Variants in BNC2 observed in about 807,000 individuals in gnomAD.
BNC2 encodes the protein basonuclin zinc finger protein 2, also known as zinc finger protein basonuclin-2.
BNC2 carries 20 observed loss-of-function variants against 76.3 expected under a neutral mutation model. The observed-to-expected ratio is 0.26, with a 90% CI of 0.18 to 0.38. The LOEUF is 0.38. Ranked by LOEUF, BNC2 falls within the 10% of genes least tolerant of loss-of-function variation. The probability of loss-of-function intolerance (pLI) is 1.00; values close to 1 mark genes in which losing one functional copy is unlikely to be tolerated. For missense variants in BNC2, 1,382 were observed against 1,399.8 expected, an observed-to-expected ratio of 0.99 and a Z score of 0.20; for synonymous variants, 582 against 514.8, an observed-to-expected ratio of 1.13 and a Z score of -1.77.
At chr9:16,738,537 A>C in intron 1 of BNC2, 52 bp from the exon 2 acceptor site, 1 of 1,575,214 alleles carries the variant, frequency 6.3e-7, no homozygotes, top group Non-Finnish European at 8.6e-7. Flanking sequence ...GTATTACTTA[A>C]AAGCATTGAG....
intron 3 of BNC2, among the ~76,000 whole-genome samples, chr9:16,666,808 A>G (rs1175190975): frequency 2.0e-5 from 3 of 152,122 alleles, no homozygotes; most frequent in Admixed American, 6.5e-5. Context: ...TTCTTAACAA[A>G]TTTTTCATGT....
At chr9:16,803,255 T>A (rs1288735032) in intron 1 of BNC2, among the ~76,000 whole-genome samples, 2 of 152,166 alleles carry the variant, frequency 1.3e-5, no homozygotes, top group African/African-American at 4.8e-5. Flanking sequence ...TATTCAAAAG[T>A]GACAGTGGAG....
chr9:16,865,726 G>A (rs991799036), intron 1 of BNC2, among the ~76,000 whole-genome samples: 3 of 151,976 alleles, frequency 2.0e-5, no homozygotes, highest in Non-Finnish European at 2.9e-5. Flanking sequence ...TATTTTTAAA[G>A]GAAAAAAGTT....
chr9:16,829,483 G>A lies in BNC2; in HGVS notation c.3+41163C>T, dbSNP rs566649422. ...AGACTTTCACAAGTTGGACAAGTGG[G>A]TTGGTTCCCTAACCCAAAACATTTT... On this transcript the variant is annotated intron_variant, in intron 1 of 6. Coordinates refer to ENST00000380672, the MANE Select transcript of BNC2 (RefSeq NM_017637.6). 1.4e-3 allele frequency among the ~76,000 whole-genome samples: 206 copies of A among 152,212 alleles called. 1 individual carries two copies. The highest frequency in any genetic ancestry group is 4.8e-3 in the African/African-American group (200 of 41,546).
intron 4 of BNC2, chr9:16,579,794 T>C: frequency 4.1e-6 from 1 of 242,354 alleles, no homozygotes; most frequent in South Asian, 1.8e-4. Flanking sequence ...CTGAAAATGC[T>C]GTTAACAAGG....
chr9:16,599,927 G>A (rs1046003152), intron 3 of BNC2, among the ~76,000 whole-genome samples: 12 of 152,146 alleles, frequency 7.9e-5, no homozygotes, highest in Non-Finnish European at 1.3e-4. Flanking sequence ...ATATATTATC[G>A]GATGACCAAA....
At chr9:16,830,812 ACTC>A (rs573895213) in intron 1 of BNC2, among the ~76,000 whole-genome samples, 128 of 152,294 alleles carry the variant, frequency 8.4e-4, no homozygotes, top group African/African-American at 2.9e-3. Context: ...TCTTCAACTT[ACTC>A]TTTACTCTGT....
chr9:16,589,643 G>GGATT lies in BNC2; in HGVS notation c.331-6562_331-6559dup, dbSNP rs576456232. The stretch of plus-strand genomic sequence containing the variant: ...CCCACCTCAGCCTCCTGAGTAGCTG[G>GGATT]GATTACATGCACGCACCACCACACC... On this transcript the variant is annotated intron_variant, in intron 3 of 6. Transcript: ENST00000380672. Among the ~76,000 whole-genome samples, 544 of 151,966 alleles carry GGATT rather than the reference G, an allele frequency of 3.6e-3. 2 individuals are homozygous for GGATT. The highest frequency in any genetic ancestry group is 0.012 in the African/African-American group (508 of 41,448).
At chr9:16,651,582 C>T (rs924790920) in intron 3 of BNC2, among the ~76,000 whole-genome samples, 6 of 152,058 alleles carry the variant, frequency 3.9e-5, no homozygotes, top group Admixed American at 6.6e-5. Context: ...CTGTTCCTCA[C>T]GTTAAATTAC....
chr9:16,532,530 G>A (rs1163757256), intron 5 of BNC2, among the ~76,000 whole-genome samples: 2 of 152,140 alleles, frequency 1.3e-5, no homozygotes, highest in Admixed American at 1.3e-4. Flanking sequence ...GTGTGCTAGG[G>A]CTGGCTCATG....
chr9:16,566,723 T>C (rs1292071712), intron 4 of BNC2, among the ~76,000 whole-genome samples: 1 of 152,116 alleles, frequency 6.6e-6, no homozygotes, highest in Non-Finnish European at 1.5e-5. Flanking sequence ...CTGATGGCCT[T>C]ATAGCTATAG....
intron 1 of BNC2, among the ~76,000 whole-genome samples, chr9:16,856,431 G>A (rs1044703081): frequency 9.2e-5 from 14 of 152,124 alleles, no homozygotes; most frequent in South Asian, 2.1e-4. Flanking sequence ...TTCTTGAAGC[G>A]AAAATATTTC....
intron 3 of BNC2, among the ~76,000 whole-genome samples, chr9:16,586,128 C>T (rs192455567): frequency 1.3e-5 from 2 of 151,808 alleles, no homozygotes; most frequent in African/African-American, 2.4e-5. Context: ...CAAAGTTTGT[C>T]GTTCACAGAA....
At chr9:16,784,000 G>A (rs1210840301) in intron 1 of BNC2, among the ~76,000 whole-genome samples, 1 of 152,066 alleles carries the variant, frequency 6.6e-6, no homozygotes. Context: ...AATTAACAGT[G>A]GAATAGCATC....
chr9:16,771,936 G>A (rs930095432), intron 1 of BNC2, among the ~76,000 whole-genome samples: 1 of 152,190 alleles, frequency 6.6e-6, no homozygotes, highest in African/African-American at 2.4e-5. Flanking sequence ...ATGGTGGGGG[G>A]AGGATGGCAG....
chr9:16,630,525 G>A (rs1410590610), intron 3 of BNC2, among the ~76,000 whole-genome samples: 1 of 152,100 alleles, frequency 6.6e-6, no homozygotes, highest in African/African-American at 2.4e-5. Context: ...ACACCTGTGT[G>A]GAAGGAACTA....
intron 5 of BNC2, among the ~76,000 whole-genome samples, chr9:16,443,465 G>T (rs900675052): frequency 6.6e-6 from 1 of 152,134 alleles, no homozygotes; most frequent in African/African-American, 2.4e-5. Context: ...TGGATAGAAA[G>T]TAGAGAAATT....
chr9:16,533,573 G>T (rs1353860473), intron 5 of BNC2, among the ~76,000 whole-genome samples: 3 of 152,160 alleles, frequency 2.0e-5, no homozygotes, highest in Non-Finnish European at 2.9e-5. Context: ...AGATGAAAAT[G>T]AGGATGAATC....
chr9:16,837,859 T>A (rs952025073), intron 1 of BNC2, among the ~76,000 whole-genome samples: 1 of 151,384 alleles, frequency 6.6e-6, no homozygotes, highest in Admixed American at 6.6e-5. Flanking sequence ...TTCCAGGAGG[T>A]GGAGGTTGCA....
Sources: allele counts gnomAD v4.1 joint callset (sites outside exome capture counted in the v4.1 genomes callset), GRCh38; gene constraint gnomAD v4.1.1; transcripts MANE v1.5; gene names NCBI Gene and HGNC (gene_info 2026-07-23, HGNC 2026-07-21).